The following LRRTM4 variants were observed in gnomAD, a reference collection of about 807,000 sequenced individuals.
LRRTM4 encodes leucine-rich repeat transmembrane neuronal protein 4.
Under a neutral mutation model 47.6 loss-of-function variants are expected in LRRTM4, and 25 were observed. The observed-to-expected ratio is 0.53, with a 90% CI of 0.38 to 0.73. The LOEUF (loss-of-function observed/expected upper bound fraction) is 0.73, where lower values mean the gene tolerates loss of function less well. LRRTM4 is among the 30% of genes least tolerant of loss of function. The pLI is 0.00. For synonymous variants in LRRTM4, 311 were observed against 269.5 expected, an observed-to-expected ratio of 1.15 and a Z score of -1.51; for missense variants, 638 against 713.4, an observed-to-expected ratio of 0.89 and a Z score of 1.20.
At chr2:76,780,692 C>T (rs138088020) in intron 3 of LRRTM4, among the ~76,000 whole-genome samples, 1 of 151,918 alleles carries the variant, frequency 6.6e-6, no homozygotes, top group South Asian at 2.1e-4. Flanking sequence ...AACTTCTTTG[C>T]CTTTGGTTTC....
At chr2:77,268,261 T>C (rs551500583) in intron 3 of LRRTM4, among the ~76,000 whole-genome samples, 3 of 152,148 alleles carry the variant, frequency 2.0e-5, no homozygotes, top group Non-Finnish European at 4.4e-5. Flanking sequence ...CCCCTCCTTC[T>C]TTCATTCCCT....
intron 3 of LRRTM4, among the ~76,000 whole-genome samples, chr2:77,174,852 T>G (rs189595183): frequency 3.9e-5 from 6 of 152,026 alleles, no homozygotes; most frequent in African/African-American, 1.4e-4. Flanking sequence ...TGTGTCCATG[T>G]GTTCTCATTG....
chr2:76,800,906 C>G (rs962524105), intron 3 of LRRTM4, among the ~76,000 whole-genome samples: 2 of 151,248 alleles, frequency 1.3e-5, no homozygotes, highest in Admixed American at 1.3e-4. Context: ...CAATGAGATA[C>G]CATCAATGCT....
chr2:77,067,720 C>CACACACACACAT (rs1282469763), intron 3 of LRRTM4, among the ~76,000 whole-genome samples: 40 of 150,182 alleles, frequency 2.7e-4, no homozygotes, highest in African/African-American at 8.8e-4. Flanking sequence ...CACACACATA[C>CACACACACACAT]ATATTTCAGG....
chr2:77,208,155 A>T (rs1403533719), intron 3 of LRRTM4, among the ~76,000 whole-genome samples: 1 of 152,122 alleles, frequency 6.6e-6, no homozygotes, highest in Non-Finnish European at 1.5e-5. Context: ...CTGAGATTAC[A>T]GGCATGAGCC....
At chr2:77,081,773 G>GT (rs1680542347) in intron 3 of LRRTM4, among the ~76,000 whole-genome samples, 2 of 152,092 alleles carry the variant, frequency 1.3e-5, no homozygotes, top group Non-Finnish European at 2.9e-5. Context: ...CTGAAAAACT[G>GT]TTTAACTTTC....
intron 3 of LRRTM4, among the ~76,000 whole-genome samples, chr2:77,113,082 T>G (rs575101274): frequency 6.2e-4 from 95 of 152,248 alleles, no homozygotes; most frequent in African/African-American, 2.2e-3. Flanking sequence ...CATACACACC[T>G]TTGTTACTTG....
At chr2:77,185,448 C>T (rs1010391519) in intron 3 of LRRTM4, among the ~76,000 whole-genome samples, 3 of 152,028 alleles carry the variant, frequency 2.0e-5, no homozygotes, top group African/African-American at 2.4e-5. Context: ...GCTACAAGGG[C>T]GTTTACTTAT....
chr2:77,226,540 TATATATATA>T (rs1423905860), intron 3 of LRRTM4, among the ~76,000 whole-genome samples: 1 of 8,496 alleles, frequency 1.2e-4, no homozygotes, highest in Admixed American at 1.2e-3. Context: ...ATTATATACA[TATATATATA>T]TATATATATA....
At chr2:77,419,521 T>C (rs973710439) in intron 3 of LRRTM4, among the ~76,000 whole-genome samples, 5 of 152,190 alleles carry the variant, frequency 3.3e-5, no homozygotes, top group African/African-American at 1.2e-4. Flanking sequence ...AAATAGTTGC[T>C]AGTTGTTATA....
At chr2:76,949,730 C>T (rs1447286935) in intron 3 of LRRTM4, among the ~76,000 whole-genome samples, 1 of 151,880 alleles carries the variant, frequency 6.6e-6, no homozygotes, top group African/African-American at 2.4e-5. Context: ...TTACTCCCAC[C>T]TAACAGATTT....
chr2:76,980,816 A>T (rs1347961897), intron 3 of LRRTM4, among the ~76,000 whole-genome samples: 1 of 152,050 alleles, frequency 6.6e-6, no homozygotes. Context: ...TAATTAAGGG[A>T]TTAGAAGGAG....
intron 3 of LRRTM4, among the ~76,000 whole-genome samples, chr2:77,116,948 GAC>G (rs1671404513): frequency 6.6e-6 from 1 of 151,682 alleles, no homozygotes; most frequent in Admixed American, 6.6e-5. Flanking sequence ...TACACACACA[GAC>G]ATATACACAC....
At chr2:76,873,278 G>C (rs940011188) in intron 3 of LRRTM4, among the ~76,000 whole-genome samples, 1 of 151,838 alleles carries the variant, frequency 6.6e-6, no homozygotes, top group Non-Finnish European at 1.5e-5. Flanking sequence ...TTGCAATATA[G>C]TGGCAGAAAA....
chr2:77,301,503 C>G (rs1677132551), intron 3 of LRRTM4, among the ~76,000 whole-genome samples: 1 of 152,086 alleles, frequency 6.6e-6, no homozygotes, highest in Non-Finnish European at 1.5e-5. Flanking sequence ...GTAGTAATTA[C>G]TACTAACAAA....
At chr2:76,952,202 T>C (rs1301803795) in intron 3 of LRRTM4, among the ~76,000 whole-genome samples, 2 of 151,986 alleles carry the variant, frequency 1.3e-5, no homozygotes, top group Non-Finnish European at 2.9e-5. Context: ...AAGAGATAGT[T>C]TGACTTATTT....
chr2:76,907,223 C>A (rs1283746844), intron 3 of LRRTM4, among the ~76,000 whole-genome samples: 1 of 152,020 alleles, frequency 6.6e-6, no homozygotes, highest in Non-Finnish European at 1.5e-5. Flanking sequence ...GGAAACTGTA[C>A]AACCTGCTCC....
At chr2:77,254,160 A>G (rs1374338115) in intron 3 of LRRTM4, among the ~76,000 whole-genome samples, 1 of 152,024 alleles carries the variant, frequency 6.6e-6, no homozygotes. Flanking sequence ...TATTGAAAGC[A>G]GAGAGAAATG....
intron 3 of LRRTM4, among the ~76,000 whole-genome samples, chr2:77,434,177 A>G (rs1196966797): frequency 6.6e-6 from 1 of 152,120 alleles, no homozygotes; most frequent in Non-Finnish European, 1.5e-5. Flanking sequence ...AGAGAGTGAC[A>G]TCAGCGTTAG....
Sources: gnomAD v4.1 joint callset for allele counts (sites outside exome capture counted in the v4.1 genomes callset) on GRCh38, gnomAD v4.1.1 for gene constraint, MANE v1.5 for transcripts, NCBI Gene and HGNC (gene_info 2026-07-23, HGNC 2026-07-21) for gene names.